The following CFAP47 variants were observed in gnomAD, a reference collection of about 807,000 sequenced individuals.
CFAP47 encodes cilia and flagella associated protein 47.
In CFAP47, 29 loss-of-function variants were observed where a neutral mutation model predicts 148.1. That is an observed-to-expected ratio of 0.20 (90% CI 0.15 to 0.27). The LOEUF is 0.27. Ranked by LOEUF, CFAP47 falls within the 10% of genes least tolerant of loss-of-function variation. CFAP47 has a pLI of 1.00. For missense variants in CFAP47, 1,872 were observed against 1,697.5 expected (o/e 1.10, Z -1.81); for synonymous variants, 664 against 577.3 (o/e 1.15, Z -2.15).
At chrX:36,359,662 A>G (rs981295143) in intron 60 of CFAP47, among the ~76,000 whole-genome samples, 1 of 111,767 alleles carries the variant, frequency 8.9e-6, no homozygotes, top group Admixed American at 9.5e-5. Flanking sequence ...TTCAGCTTGA[A>G]AAACTCCCTA....
At chrX:36,257,554 G>A (rs1236711817) in intron 49 of CFAP47, among the ~76,000 whole-genome samples, 1 of 109,675 alleles carries the variant, frequency 9.1e-6, no homozygotes, top group Non-Finnish European at 1.9e-5. Context: ...CTCCCATGTA[G>A]TTGGGACAAC....
intron 50 of CFAP47, among the ~76,000 whole-genome samples, chrX:36,283,402 C>T (rs940465760): frequency 4.5e-5 from 5 of 111,777 alleles, no homozygotes; most frequent in South Asian, 3.7e-4. Flanking sequence ...AACACTGCCA[C>T]GTGTGATAGT....
At chrX:36,315,509 C>T (rs1301735097) in intron 56 of CFAP47, among the ~76,000 whole-genome samples, 1 of 112,311 alleles carries the variant, frequency 8.9e-6, no homozygotes, top group Non-Finnish European at 1.9e-5. Flanking sequence ...AATCTGGGGA[C>T]ACATAATAGT....
At chrX:35,924,517 GTGTATATA>G (rs1249077893) in intron 1 of CFAP47, among the ~76,000 whole-genome samples, 139 of 103,477 alleles carry the variant, frequency 1.3e-3, no homozygotes, top group African/African-American at 5.1e-3. Context: ...GCACATATAT[GTGTATATA>G]TGCACATATA....
At chrX:35,938,368 C>G (rs1238880392) in intron 2 of CFAP47, among the ~76,000 whole-genome samples, 1 of 110,617 alleles carries the variant, frequency 9.0e-6, no homozygotes, top group African/African-American at 3.3e-5. Context: ...ATGTGTGCAT[C>G]AAATAAACAG....
intron 48 of CFAP47, among the ~76,000 whole-genome samples, chrX:36,240,674 A>G (rs914877116): frequency 7.2e-5 from 8 of 111,263 alleles, no homozygotes; most frequent in African/African-American, 2.3e-4. Context: ...CAGTAGTTCT[A>G]CAGAAGAGAA....
chrX:36,049,947 C>T (rs1034038075), intron 26 of CFAP47, among the ~76,000 whole-genome samples: 7 of 111,320 alleles, frequency 6.3e-5, no homozygotes, highest in African/African-American at 2.0e-4. Context: ...TCTCATGAGA[C>T]CTGATGGTTT....
intron 57 of CFAP47, among the ~76,000 whole-genome samples, chrX:36,336,589 A>G (rs1941608770): frequency 9.0e-6 from 1 of 111,594 alleles, no homozygotes; most frequent in Non-Finnish European, 1.9e-5. Flanking sequence ...AATTTTTAAA[A>G]GATAAAATAT....
intron 29 of CFAP47, among the ~76,000 whole-genome samples, chrX:36,083,324 TTACA>T (rs1484459420): frequency 9.1e-6 from 1 of 110,165 alleles, no homozygotes; most frequent in African/African-American, 3.3e-5. Flanking sequence ...TACTTATATA[TTACA>T]TATATACTTA....
intron 10 of CFAP47, 149 bp from the exon 11 acceptor site, chrX:35,970,619 A>G: frequency 5.2e-6 from 2 of 385,310 alleles, no homozygotes; most frequent in Non-Finnish European, 9.0e-6. Flanking sequence ...CTTGATATAG[A>G]ATAGCATATG....
At chrX:36,067,283 T>G (rs1937654515) in intron 27 of CFAP47, among the ~76,000 whole-genome samples, 1 of 111,639 alleles carries the variant, frequency 9.0e-6, no homozygotes, top group Admixed American at 9.5e-5. Context: ...CTGGATACCA[T>G]TCTTTGTATT....
At chrX:36,326,442 G>C (rs1163697886) in intron 57 of CFAP47, among the ~76,000 whole-genome samples, 1 of 111,782 alleles carries the variant, frequency 8.9e-6, no homozygotes, top group Admixed American at 9.6e-5. Context: ...GGGCTTAGAA[G>C]ACAAGAAGAT....
intron 48 of CFAP47, among the ~76,000 whole-genome samples, chrX:36,246,991 A>T: frequency 9.0e-6 from 1 of 111,573 alleles, no homozygotes; most frequent in Non-Finnish European, 1.9e-5. Context: ...TCATTGCAGT[A>T]CTATTCACAG....
chrX:36,263,987 G>A (rs1427934666), intron 49 of CFAP47, among the ~76,000 whole-genome samples: 1 of 111,517 alleles, frequency 9.0e-6, no homozygotes, highest in African/African-American at 3.3e-5. Flanking sequence ...GATGAATGCT[G>A]CCAGGACTGT....
In CFAP47 at chrX:36,236,092, A is replaced by T. The variant is rs1555994555; in HGVS notation, c.7158+15A>T. ...GTGTCATTACGGTATGAACTCCTTG[A>T]TATTTTCCCCAGTATTAATTAATAG... On this transcript the variant is annotated intron_variant, in intron 47 of 63. Transcript: ENST00000378653. The T allele has an allele frequency of 2.2e-6, 1 of 456,214 alleles. No individual in the cohort carries two copies. The highest frequency in any genetic ancestry group is 3.9e-6 in the Non-Finnish European group (1 of 255,640). 37.6% of individuals were successfully genotyped at this position (456,214 alleles called of 1,213,427 possible).
intron 39 of CFAP47, among the ~76,000 whole-genome samples, chrX:36,163,222 A>T (rs1939450588): frequency 9.0e-6 from 1 of 111,618 alleles, no homozygotes; most frequent in Non-Finnish European, 1.9e-5. Flanking sequence ...TCCTTTTTTA[A>T]TTTCTGAAAG....
chrX:36,107,034 G>A (rs1938477826), intron 33 of CFAP47, among the ~76,000 whole-genome samples: 1 of 111,812 alleles, frequency 8.9e-6, no homozygotes, highest in Non-Finnish European at 1.9e-5. Context: ...CACCACTGCA[G>A]TGCAAAAGGT....
chrX:35,939,501 G>C (rs1935968477), intron 2 of CFAP47, among the ~76,000 whole-genome samples: 1 of 90,680 alleles, frequency 1.1e-5, no homozygotes, highest in South Asian at 6.5e-4. Context: ...GTGTCCATGT[G>C]TTCTCATTGT....
intron 19 of CFAP47, among the ~76,000 whole-genome samples, chrX:35,998,094 C>G (rs1308235268): frequency 9.0e-6 from 1 of 111,068 alleles, no homozygotes; most frequent in Non-Finnish European, 1.9e-5. Context: ...CCTAAAATGT[C>G]CTAATTTCCA....
Sources: gnomAD v4.1 joint callset for allele counts (sites outside exome capture counted in the v4.1 genomes callset) on GRCh38, gnomAD v4.1.1 for gene constraint, MANE v1.5 for transcripts, NCBI Gene and HGNC (gene_info 2026-07-23, HGNC 2026-07-21) for gene names.